Variants in SCO2 observed in about 807,000 individuals in gnomAD.
SCO2 encodes synthesis of cytochrome C oxidase 2, also known as cytochrome c oxidase assembly factor SCO2.
For missense variants in SCO2, 429 were observed against 348.7 expected (o/e 1.23, Z -1.83); for synonymous variants, 195 against 148.6 (o/e 1.31, Z -2.27).
upstream of SCO2, chr22:50,526,213 A>T: frequency 1.3e-6 from 2 of 1,498,088 alleles, no homozygotes; most frequent in Non-Finnish European, 1.8e-6. Flanking sequence ...GGGATGGCGG[A>T]GGCGGAAGGA....
chr22:50,525,646 AGC>A, upstream of SCO2: 2 of 1,426,576 alleles, frequency 1.4e-6, no homozygotes, highest in East Asian at 5.0e-5. Flanking sequence ...ACAGGCTCTC[AGC>A]GCGTGCGCGG....
At chr22:50,525,947 CG>C (rs2069341655), upstream of SCO2, 4 of 1,415,332 alleles carry the variant, frequency 2.8e-6, no homozygotes, top group Non-Finnish European at 3.7e-6. Flanking sequence ...TTAGAGGCCG[CG>C]CGGCCGGAGC....
In SCO2 at chr22:50,523,648, C is replaced by A. The variant is rs368908383; in HGVS notation, c.764G>T (p.Arg255Leu). 4.3e-5 allele frequency: 69 copies of A among 1,613,804 alleles called. No individual in the cohort carries two copies. Among genetic ancestry groups the A allele is most frequent in the Non-Finnish European group, 5.5e-5 (65 of 1,180,028 alleles). The change falls in exon 2 of 2, where the codon CGG becomes CTG. Residue 255 changes from arginine to leucine, a missense_variant. Arg to Leu is a moderately radical substitution (Grantham distance 102, BLOSUM62 -2). Transcript: ENST00000395693. ...RSAEQISDSV[R>L]RHMAAFRSVL... Reference sequence around the variant, plus strand: ...ACTGCGGAAAGCCGCCATGTGCCGCCGCACACTGTCTGAGATCTGCTCAGC... The same window carrying A: ...ACTGCGGAAAGCCGCCATGTGCCGCAGCACACTGTCTGAGATCTGCTCAGC...
At chr22:50,525,899 C>T (rs994979304), upstream of SCO2, 3 of 1,557,010 alleles carry the variant, frequency 1.9e-6, no homozygotes, top group African/African-American at 1.4e-5. Context: ...CGTCCCGGTG[C>T]ACGCGGAGCC....
chr22:50,525,806 C>A (rs373094137), upstream of SCO2: 2 of 1,610,670 alleles, frequency 1.2e-6, no homozygotes, highest in South Asian at 2.2e-5. Flanking sequence ...CTGCGAAGGG[C>A]GAGGGGGCGG....
rs1569521566 is a variant in SCO2 at position 50,524,132 on chromosome 22, G to A, written c.280C>T (p.Leu94=). 3 of 1,612,518 alleles carry A rather than the reference G, an allele frequency of 1.9e-6. No individual in the cohort carries two copies. In the Admixed American group the frequency reaches 5.0e-5, roughly 27 times the overall value. The stretch of plus-strand genomic sequence containing the variant: ...CCCTGGCCCACAGCTGCCTGGCGCA[G>A]GGCTTCTGTTCGCTTTTGCTGCTGC... ...RLQQQKRTEA[L]RQAAVGQGDF... Residue 94 remains leucine (L), a synonymous_variant, in exon 2 of 2, where the codon CTG becomes TTG. Coordinates refer to ENST00000395693, the MANE Select transcript of SCO2 (RefSeq NM_005138.3).
upstream of SCO2, chr22:50,525,691 C>G (rs1482874047): frequency 3.9e-6 from 6 of 1,556,084 alleles, no homozygotes; most frequent in South Asian, 1.2e-5. Context: ...ACGTGTTCAT[C>G]GAGACGGCCC....
At chr22:50,526,282 C>A, upstream of SCO2, 2 of 1,546,794 alleles carry the variant, frequency 1.3e-6, no homozygotes, top group Non-Finnish European at 1.7e-6. Flanking sequence ...TGCTCCCGGG[C>A]GCGAGGCAGC....
intron 1 of SCO2, chr22:50,524,725 G>T: frequency 1.7e-6 from 1 of 597,042 alleles, no homozygotes; most frequent in Non-Finnish European, 3.2e-6. Context: ...CCAAGTGCAT[G>T]CCTTGCCTGA....
upstream of SCO2, chr22:50,525,720 A>T: frequency 1.3e-6 from 2 of 1,588,194 alleles, no homozygotes; most frequent in Non-Finnish European, 1.7e-6. Flanking sequence ...GCAGCCCTGG[A>T]TCCTTCCGCT....
chr22:50,526,109 C>CCAGCGG (rs2148677099), upstream of SCO2: 1 of 1,489,346 alleles, frequency 6.7e-7, no homozygotes, highest in South Asian at 1.3e-5. Flanking sequence ...AGCACCAGCG[C>CCAGCGG]CAGCGGCAGC....
At chr22:50,525,396 C>T (rs904355756) in intron 1 of SCO2, 76 bp downstream of exon 1, 3 of 309,346 alleles carry the variant, frequency 9.7e-6, no homozygotes, top group Non-Finnish European at 1.8e-5. Flanking sequence ...GCGCAGTAGC[C>T]GGAGCTGGGA....
chr22:50,525,703 C>A, upstream of SCO2: 2 of 1,568,420 alleles, frequency 1.3e-6, no homozygotes, highest in East Asian at 2.4e-5. Context: ...AGACGGCCCC[C>A]GCCTCCGCAG....
upstream of SCO2, chr22:50,526,033 A>G: frequency 1.4e-6 from 2 of 1,475,252 alleles, no homozygotes; most frequent in Non-Finnish European, 1.8e-6. Context: ...GTCGACCAGC[A>G]GCTCTGCGCC....
chr22:50,524,582 C>T (rs1400476110), intron 1 of SCO2, 158 bp from the exon 2 acceptor site: 3 of 739,702 alleles, frequency 4.1e-6, no homozygotes, highest in Non-Finnish European at 7.4e-6. Context: ...AGAACTCCAC[C>T]TCCACCAAAC....
upstream of SCO2, chr22:50,525,839 T>G: frequency 2.5e-6 from 4 of 1,607,714 alleles, no homozygotes; most frequent in Non-Finnish European, 3.4e-6. Context: ...GGTCGGAGAG[T>G]ACGAGCGCCT....
upstream of SCO2, chr22:50,526,362 G>A (rs1465566884): frequency 1.3e-6 from 2 of 1,544,782 alleles, no homozygotes; most frequent in Non-Finnish European, 8.6e-7. Flanking sequence ...GCCCTGCGCC[G>A]CCAGCATCCG....
upstream of SCO2, chr22:50,526,365 A>G: frequency 6.5e-7 from 1 of 1,545,530 alleles, no homozygotes; most frequent in Non-Finnish European, 8.6e-7. Flanking sequence ...CTGCGCCGCC[A>G]GCATCCGCTC....
intron 1 of SCO2, 97 bp from the exon 2 acceptor site, chr22:50,524,521 C>T (rs2069244779): frequency 9.0e-7 from 1 of 1,108,680 alleles, no homozygotes; most frequent in Non-Finnish European, 1.3e-6. Context: ...ATCTGAAGGA[C>T]CCAGCCCACG....
Sources: allele counts gnomAD v4.1 joint callset, GRCh38; gene constraint gnomAD v4.1.1; transcripts MANE v1.5; gene names NCBI Gene and HGNC (gene_info 2026-07-23, HGNC 2026-07-21).